Variants in CLASP1 observed in about 807,000 individuals in gnomAD.
CLASP1 encodes the protein CLIP-associating protein 1.
A neutral mutation model predicts 192.3 loss-of-function variants in CLASP1; 38 were observed. The observed-to-expected ratio is 0.20, with a 90% CI of 0.15 to 0.26. The LOEUF is 0.26. CLASP1 is among the 10% of genes least tolerant of loss of function. CLASP1 has a pLI of 1.00. For missense variants in CLASP1, 1,433 were observed against 1,932.5 expected, an observed-to-expected ratio of 0.74 and a Z score of 4.85; for synonymous variants, 691 against 712.8, an observed-to-expected ratio of 0.97 and a Z score of 0.49.
chr2:121,393,117 G>C (rs1018052935), intron 30 of CLASP1, among the ~76,000 whole-genome samples: 9 of 152,310 alleles, frequency 5.9e-5, no homozygotes, highest in African/African-American at 2.2e-4. Flanking sequence ...CACAAACATG[G>C]TTGTATGGAC....
intron 6 of CLASP1, among the ~76,000 whole-genome samples, chr2:121,519,970 C>A (rs2094420787): frequency 6.6e-6 from 1 of 152,188 alleles, no homozygotes; most frequent in African/African-American, 2.4e-5. Flanking sequence ...AAAGGCACCA[C>A]AATGTGTCAG....
At chr2:121,351,196 T>A (rs1335668570) in intron 37 of CLASP1, among the ~76,000 whole-genome samples, 1 of 152,150 alleles carries the variant, frequency 6.6e-6, no homozygotes, top group Non-Finnish European at 1.5e-5. Context: ...CATAAAGCCC[T>A]TCTGCTGAAC....
At chr2:121,572,377 G>A (rs918993666) in intron 2 of CLASP1, among the ~76,000 whole-genome samples, 8 of 152,196 alleles carry the variant, frequency 5.3e-5, no homozygotes, top group African/African-American at 7.2e-5. Context: ...GCAGTGAGCC[G>A]AGGTTGCACC....
chr2:121,510,091 A>C (rs1316391057), intron 7 of CLASP1, among the ~76,000 whole-genome samples: 1 of 152,230 alleles, frequency 6.6e-6, no homozygotes, highest in Non-Finnish European at 1.5e-5. Context: ...CAGTACTTAG[A>C]AATTCATAGG....
chr2:121,341,296 C>T (rs1170348661), intron 39 of CLASP1, among the ~76,000 whole-genome samples: 1 of 152,200 alleles, frequency 6.6e-6, no homozygotes, highest in South Asian at 2.1e-4. Context: ...AGCCCAAAGG[C>T]TCCATCAGAG....
At chr2:121,375,427 G>A (rs1377411630) in intron 34 of CLASP1, among the ~76,000 whole-genome samples, 1 of 144,418 alleles carries the variant, frequency 6.9e-6, no homozygotes, top group Non-Finnish European at 1.5e-5. Flanking sequence ...GCAGTGGCAC[G>A]ATCTCGGCTC....
chr2:121,397,610 C>G (rs2149440730), intron 29 of CLASP1, among the ~76,000 whole-genome samples: 1 of 152,288 alleles, frequency 6.6e-6, no homozygotes, highest in Non-Finnish European at 1.5e-5. Flanking sequence ...TCCAGCTCTG[C>G]CACTGACTGC....
At chr2:121,519,395 G>A (rs1255002818) in intron 6 of CLASP1, among the ~76,000 whole-genome samples, 3 of 152,146 alleles carry the variant, frequency 2.0e-5, no homozygotes, top group Non-Finnish European at 4.4e-5. Flanking sequence ...CTGGAGGCAG[G>A]GACAGAAGAG....
At chr2:121,377,112 G>A (rs1372324510) in intron 34 of CLASP1, among the ~76,000 whole-genome samples, 1 of 152,224 alleles carries the variant, frequency 6.6e-6, no homozygotes, top group Non-Finnish European at 1.5e-5. Flanking sequence ...CACAAAACCA[G>A]TTCCTGGTGC....
intron 2 of CLASP1, among the ~76,000 whole-genome samples, chr2:121,604,081 A>G (rs191263680): frequency 3.0e-4 from 46 of 152,366 alleles, no homozygotes; most frequent in Non-Finnish European, 6.3e-4. Flanking sequence ...TCCCAACACA[A>G]AGAAATGATA....
At chr2:121,523,130 G>A in intron 6 of CLASP1, among the ~76,000 whole-genome samples, 1 of 152,220 alleles carries the variant, frequency 6.6e-6, no homozygotes, top group East Asian at 1.9e-4. Flanking sequence ...TACATGCAAA[G>A]CAGGGATCTA....
chr2:121,507,393 A>AC (rs1324010278), intron 7 of CLASP1, among the ~76,000 whole-genome samples: 4 of 152,200 alleles, frequency 2.6e-5, no homozygotes, highest in South Asian at 2.1e-4. Context: ...ACCATATCCT[A>AC]CCTAAGTAAC....
At chr2:121,387,894 C>T (rs962857176) in exon 31 of CLASP1, 1 of 1,611,050 alleles carries the variant, frequency 6.2e-7, no homozygotes, top group African/African-American at 1.3e-5. Flanking sequence ...GAGATTAGCA[C>T]AATCTGTGCT....
chr2:121,405,431 G>A (rs1000033694), intron 25 of CLASP1, among the ~76,000 whole-genome samples: 1 of 152,172 alleles, frequency 6.6e-6, no homozygotes, highest in African/African-American at 2.4e-5. Context: ...ATAAAACATT[G>A]TACCTTCTAC....
chr2:121,459,934 G>A, intron 12 of CLASP1, 46 bp downstream of exon 12: 1 of 1,544,960 alleles, frequency 6.5e-7, no homozygotes, highest in South Asian at 1.2e-5. Flanking sequence ...GAAGCTCTGT[G>A]GTGACACTAT....
chr2:121,340,988 C>G, intron 39 of CLASP1, 41 bp from the exon 41 acceptor site: 1 of 1,385,522 alleles, frequency 7.2e-7, no homozygotes, highest in Non-Finnish European at 1.0e-6. Context: ...GGAAGAAAAG[C>G]AATCAGAAAG....
At chr2:121,422,251 A>G (rs939961806) in intron 22 of CLASP1, among the ~76,000 whole-genome samples, 1 of 152,248 alleles carries the variant, frequency 6.6e-6, no homozygotes, top group African/African-American at 2.4e-5. Flanking sequence ...CAGAAGTTAA[A>G]GACATGAAAT....
At chr2:121,390,203 T>C (rs998625878) in intron 30 of CLASP1, among the ~76,000 whole-genome samples, 1 of 152,192 alleles carries the variant, frequency 6.6e-6, no homozygotes, top group African/African-American at 2.4e-5. Flanking sequence ...ACCACCAATA[T>C]GATCTCATTA....
chr2:121,642,348 C>T (rs1291215982), intron 1 of CLASP1, among the ~76,000 whole-genome samples: 1 of 148,652 alleles, frequency 6.7e-6, no homozygotes, highest in African/African-American at 2.5e-5. Flanking sequence ...TGCAGTAAGC[C>T]ATGATCATAC....
Sources: gnomAD v4.1 joint callset for allele counts (sites outside exome capture counted in the v4.1 genomes callset) on GRCh38, gnomAD v4.1.1 for gene constraint, MANE v1.5 for transcripts, NCBI Gene and HGNC (gene_info 2026-07-23, HGNC 2026-07-21) for gene names.